The following ASIC2 variants were observed in gnomAD, a reference collection of about 807,000 sequenced individuals.
The protein encoded by ASIC2 is acid-sensing ion channel 2.
ASIC2 carries 25 observed loss-of-function variants against 57.3 expected under a neutral mutation model. The ratio of observed to expected loss-of-function variants is 0.44; its 90% CI spans 0.32 to 0.61. The LOEUF (loss-of-function observed/expected upper bound fraction) is 0.61. Ranked by LOEUF, ASIC2 falls within the 20% of genes least tolerant of loss-of-function variation. ASIC2 has a pLI of 0.06. For synonymous variants in ASIC2, 319 were observed against 307.5 expected (o/e 1.04, Z -0.39); for missense variants, 641 against 738.1 (o/e 0.87, Z 1.52).
intron 1 of ASIC2, chr17:33,954,917 C>T (rs1904687071): frequency 1.3e-5 from 2 of 152,174 alleles, no homozygotes; most frequent in African/African-American, 4.8e-5. Context: ...CCTAAATAGA[C>T]TGAAATGTTC....
chr17:33,788,661 T>A (rs2142134515), intron 1 of ASIC2, among the ~76,000 whole-genome samples: 1 of 152,250 alleles, frequency 6.6e-6, no homozygotes, highest in Admixed American at 6.5e-5. Flanking sequence ...CAAATACCCA[T>A]CGACGATAGA....
intron 1 of ASIC2, among the ~76,000 whole-genome samples, chr17:33,795,419 C>T (rs72814933): frequency 0.031 from 4,703 of 152,368 alleles, 106 homozygotes; most frequent in Non-Finnish European, 0.049. Flanking sequence ...CTTACTCCTT[C>T]ACAGAAGCCC....
At chr17:33,736,666 A>G (rs991630445) in intron 1 of ASIC2, among the ~76,000 whole-genome samples, 10 of 152,214 alleles carry the variant, frequency 6.6e-5, no homozygotes, top group African/African-American at 2.4e-4. Flanking sequence ...GAATTATATA[A>G]AGAAACATTT....
At chr17:33,760,164 C>CAA (rs35440192) in intron 1 of ASIC2, among the ~76,000 whole-genome samples, 5 of 149,360 alleles carry the variant, frequency 3.3e-5, no homozygotes, top group African/African-American at 1.2e-4. Context: ...TATAATGACT[C>CAA]AAAAAAAAAT....
intron 1 of ASIC2, among the ~76,000 whole-genome samples, chr17:33,836,060 TTA>T (rs199589904): frequency 1.4e-5 from 2 of 145,024 alleles, no homozygotes; most frequent in African/African-American, 4.9e-5. Context: ...ATATCATATA[TTA>T]TATATATACA....
chr17:34,028,415 C>G (rs1162436096), intron 1 of ASIC2, among the ~76,000 whole-genome samples: 2 of 152,168 alleles, frequency 1.3e-5, no homozygotes, highest in African/African-American at 2.4e-5. Context: ...GTCCTAGGAA[C>G]TATATTAGTT....
intron 1 of ASIC2, among the ~76,000 whole-genome samples, chr17:33,677,091 C>A (rs1907846537): frequency 6.6e-6 from 1 of 152,200 alleles, no homozygotes; most frequent in Non-Finnish European, 1.5e-5. Context: ...AATTTAACCT[C>A]TTTTACTTAT....
intron 1 of ASIC2, among the ~76,000 whole-genome samples, chr17:34,121,135 AG>A (rs1481041636): frequency 6.6e-6 from 1 of 152,230 alleles, no homozygotes; most frequent in Non-Finnish European, 1.5e-5. Context: ...CTATAAGCCA[AG>A]GAACTCCAAG....
chr17:33,198,414 A>G (rs1185682786), intron 1 of ASIC2, among the ~76,000 whole-genome samples: 1 of 152,248 alleles, frequency 6.6e-6, no homozygotes, highest in Non-Finnish European at 1.5e-5. Context: ...CAGTTGACTC[A>G]CATAAACTAG....
intron 1 of ASIC2, among the ~76,000 whole-genome samples, chr17:33,426,628 G>A (rs1256171945): frequency 6.6e-6 from 1 of 152,200 alleles, no homozygotes; most frequent in African/African-American, 2.4e-5. Context: ...ACCTGGACAG[G>A]CAGCCTTGAG....
chr17:33,528,355 C>T (rs1205589629), intron 1 of ASIC2, among the ~76,000 whole-genome samples: 1 of 152,164 alleles, frequency 6.6e-6, no homozygotes, highest in African/African-American at 2.4e-5. Flanking sequence ...CTGGAACTCT[C>T]CCTCCAGCCA....
intron 1 of ASIC2, among the ~76,000 whole-genome samples, chr17:34,065,738 T>C (rs1909148825): frequency 6.6e-6 from 1 of 151,968 alleles, no homozygotes; most frequent in Admixed American, 6.6e-5. Flanking sequence ...CGTAGATGAA[T>C]AAGAGGAAAA....
intron 1 of ASIC2, among the ~76,000 whole-genome samples, chr17:33,943,955 T>C (rs1916250526): frequency 6.6e-6 from 1 of 152,162 alleles, no homozygotes. Flanking sequence ...TTTTTAACTA[T>C]AAAAATTCTT....
At chr17:33,679,919 C>T (rs958477313) in intron 1 of ASIC2, among the ~76,000 whole-genome samples, 5 of 152,102 alleles carry the variant, frequency 3.3e-5, no homozygotes, top group Admixed American at 6.5e-5. Context: ...AGAAAACAGA[C>T]TGGGTTTGAG....
intron 1 of ASIC2, chr17:33,834,352 C>G (rs890777094): frequency 6.6e-6 from 1 of 152,226 alleles, no homozygotes; most frequent in Non-Finnish European, 1.5e-5. Context: ...TAAACACATT[C>G]CAGGCAAGGT....
chr17:33,175,528 C>CT (rs11350163), intron 1 of ASIC2, among the ~76,000 whole-genome samples: 4 of 151,300 alleles, frequency 2.6e-5, no homozygotes, highest in East Asian at 1.9e-4. Context: ...AAATACCCTA[C>CT]TTTTTTTTTC....
intron 1 of ASIC2, among the ~76,000 whole-genome samples, chr17:33,172,988 C>A (rs1187669191): frequency 1.3e-5 from 2 of 152,156 alleles, no homozygotes; most frequent in South Asian, 4.1e-4. Flanking sequence ...TGATCCCATT[C>A]CTTAATCAGT....
chr17:33,141,347 A>T (rs951722850), intron 1 of ASIC2, among the ~76,000 whole-genome samples: 9 of 152,250 alleles, frequency 5.9e-5, no homozygotes, highest in Non-Finnish European at 4.4e-5. Context: ...GCTTTCTTTT[A>T]CAGGTTGTTG....
chr17:33,907,178 C>T (rs1177359064), intron 1 of ASIC2, among the ~76,000 whole-genome samples: 2 of 152,108 alleles, frequency 1.3e-5, no homozygotes, highest in Non-Finnish European at 2.9e-5. Context: ...ACCCTTGAAG[C>T]GGAGGTCCTG....
Sources: allele counts gnomAD v4.1 joint callset (sites outside exome capture counted in the v4.1 genomes callset), GRCh38; gene constraint gnomAD v4.1.1; transcripts MANE v1.5; gene names NCBI Gene and HGNC (gene_info 2026-07-23, HGNC 2026-07-21).